CCND3: variants seen among roughly 807,000 people sequenced by gnomAD.
CCND3 encodes the protein cyclin D3.
CCND3 carries 9 observed loss-of-function variants against 28.7 expected under a neutral mutation model. The ratio of observed to expected loss-of-function variants is 0.31; its 90% confidence interval spans 0.19 to 0.55. The LOEUF (loss-of-function observed/expected upper bound fraction) is 0.55. Ranked by LOEUF, CCND3 falls within the 20% of genes least tolerant of loss-of-function variation. The pLI, the probability that CCND3 is intolerant of heterozygous loss-of-function variation, is 0.93. For synonymous variants in CCND3, 164 were observed against 163.9 expected, an observed-to-expected ratio of 1.00 and a Z score of 0.00; for missense variants, 315 against 385.8, an observed-to-expected ratio of 0.82 and a Z score of 1.54.
At position 41,987,501 on chromosome 6, in the gene CCND3, CTCTCTCTCTCTCTCTCTG is replaced by C. The variant is rs878919743; in HGVS notation, c.-45-46934_-45-46917del. Among the ~76,000 whole-genome samples, 217 of 84,690 alleles carry C rather than the reference CTCTCTCTCTCTCTCTCTG, an allele frequency of 2.6e-3. 4 individuals carry two copies. In the South Asian group the frequency reaches 0.051, roughly 20 times the overall value. The allele number at this position is 84,690 out of a possible 152,430, so 55.6% of individuals were successfully genotyped here. On this transcript the variant is annotated intron_variant, in intron 1 of 4. Transcript: ENST00000372988. ...TTTCTCTCTCTCTCTCTCTCTCTCT[CTCTCTCTCTCTCTCTCTG>C]TGTGTGTGTGTGTGTGTGTGTGTGT...
intron 1 of CCND3, among the ~76,000 whole-genome samples, chr6:42,028,235 G>A (rs115537706): frequency 0.013 from 2,001 of 152,248 alleles, 46 homozygotes; most frequent in African/African-American, 0.04. Flanking sequence ...CCTCCCTGGT[G>A]GAGGGTGGCC....
chr6:42,007,754 C>T (rs950863843), intron 1 of CCND3, among the ~76,000 whole-genome samples: 8 of 152,182 alleles, frequency 5.3e-5, no homozygotes, highest in Non-Finnish European at 1.0e-4. Context: ...TGGACAGGAT[C>T]GAGAGCAGCT....
chr6:41,951,568 ACACAC>A lies in CCND3; in HGVS notation c.-45-10988_-45-10984del, dbSNP rs201470066. ...CACACACACACACACACACACACAC[ACACAC>A]ACAAAAAAAAAGATTAAGTGGGAGT... is the stretch of plus-strand genomic sequence containing the variant. On this transcript the variant is annotated intron_variant, in intron 1 of 4. Transcript: ENST00000372988. Among the ~76,000 whole-genome samples the A allele has an allele frequency of 1.3e-3, 139 of 103,176 alleles. 1 individual carries two copies. The highest frequency in any genetic ancestry group is 1.9e-3 in the South Asian group (5 of 2,690). The allele number at this position is 103,176 out of a possible 152,430, so 67.7% of individuals were successfully genotyped here.
chr6:42,025,007 G>A (rs1025503202), intron 1 of CCND3, among the ~76,000 whole-genome samples: 5 of 152,156 alleles, frequency 3.3e-5, no homozygotes, highest in African/African-American at 9.7e-5. Flanking sequence ...GCAGTGAGAC[G>A]AGATCATGCC....
At chr6:41,947,220 CAA>C (rs777778608) in intron 1 of CCND3, among the ~76,000 whole-genome samples, 7 of 122,508 alleles carry the variant, frequency 5.7e-5, no homozygotes, top group Admixed American at 8.4e-5. Context: ...GACTCCGTCT[CAA>C]AAAAAAAAAA....
chr6:42,019,853 T>C (rs982755584), intron 1 of CCND3, among the ~76,000 whole-genome samples: 1 of 152,204 alleles, frequency 6.6e-6, no homozygotes, highest in Non-Finnish European at 1.5e-5. Context: ...TTAATAAAGA[T>C]GTAAGACTAG....
intron 1 of CCND3, among the ~76,000 whole-genome samples, chr6:42,031,955 A>G (rs1375778932): frequency 1.3e-5 from 2 of 151,472 alleles, no homozygotes; most frequent in Admixed American, 6.6e-5. Flanking sequence ...ACACCGGTCT[A>G]ATTTTTTGTA....
chr6:41,955,247 G>A (rs372987087), intron 1 of CCND3, among the ~76,000 whole-genome samples: 1 of 151,532 alleles, frequency 6.6e-6, no homozygotes, highest in African/African-American at 2.4e-5. Flanking sequence ...AACCCAACAA[G>A]AACAATATGT....
intron 1 of CCND3, among the ~76,000 whole-genome samples, chr6:41,971,479 C>T (rs1216643645): frequency 2.6e-5 from 4 of 151,918 alleles, no homozygotes; most frequent in African/African-American, 9.7e-5. Context: ...GATAAGGAAA[C>T]AGAGGCTGAG....
rs1216592021 is a variant in CCND3, at chr6:41,936,094, G to A, written c.725C>T (p.Ala242Val). The A allele has an allele frequency of 6.3e-7, 1 of 1,595,270 alleles. No homozygotes were observed. The highest frequency in any genetic ancestry group is 8.5e-7 in the Non-Finnish European group (1 of 1,169,890). The change falls in exon 5 of 5, where the codon GCC (alanine) becomes GTC (valine). Residue 242 changes from alanine (A) to valine (V), a missense_variant. Physicochemically the swap from Ala to Val is moderately conservative, Grantham distance 64. Coordinates refer to ENST00000372991, the MANE Select transcript of CCND3 (RefSeq NM_001760.5). This position sits in a 1 kb window ranked among gnomAD's most constrained non-coding sequence, Gnocchi z 4.4. ...TGCAGCTTCGATCTGCTCCTGACAG[G>A]CCCGCAGGCAGTCCTGGGAACATGG... ...ITGTEVDCLR[A>V]CQEQIEAALR...
At chr6:41,947,220 CAAA>C (rs777778608) in intron 1 of CCND3, among the ~76,000 whole-genome samples, 1 of 122,556 alleles carries the variant, frequency 8.2e-6, no homozygotes, top group Non-Finnish European at 1.8e-5. Flanking sequence ...GACTCCGTCT[CAAA>C]AAAAAAAAAA....
intron 1 of CCND3, among the ~76,000 whole-genome samples, chr6:41,956,953 C>T (rs2127402225): frequency 6.6e-6 from 1 of 152,304 alleles, no homozygotes; most frequent in East Asian, 1.9e-4. Flanking sequence ...ATGGCATGAA[C>T]CCGGGAGGCG....
chr6:41,971,259 TG>T (rs900271896), intron 1 of CCND3, among the ~76,000 whole-genome samples: 1 of 152,082 alleles, frequency 6.6e-6, no homozygotes, highest in Non-Finnish European at 1.5e-5. Flanking sequence ...ATTCTCACAG[TG>T]GCTCTAGATG....
At chr6:41,971,530 C>G (rs771793633) in intron 1 of CCND3, among the ~76,000 whole-genome samples, 17 of 151,730 alleles carry the variant, frequency 1.1e-4, no homozygotes, top group South Asian at 2.1e-4. Context: ...CCAGGTCTGC[C>G]TGGTGTCAGA....
chr6:41,987,513 CTCTCTG>C (rs1470770399), intron 1 of CCND3, among the ~76,000 whole-genome samples: 32 of 41,918 alleles, frequency 7.6e-4, no homozygotes, highest in African/African-American at 5.6e-3. Context: ...CTCTCTCTCT[CTCTCTG>C]TGTGTGTGTG....
chr6:41,936,051 C>T lies in CCND3; in HGVS notation c.768G>A (p.Arg256=), dbSNP rs1168950421. ...QIEAALRESL[R]EASQTSSSPA... Reference sequence around the variant, plus strand: ...GGCTGGAGCTGGTCTGAGAGGCTTCCCTGAGGCTCTCCCTGAGTGCAGCTT... The same window carrying T: ...GGCTGGAGCTGGTCTGAGAGGCTTCTCTGAGGCTCTCCCTGAGTGCAGCTT... Residue 256 remains arginine (R), a synonymous_variant, in exon 5 of 5, where the codon AGG becomes AGA. Coordinates refer to ENST00000372991, the MANE Select transcript of CCND3 (RefSeq NM_001760.5). The surrounding 1 kb of genome is among the most constrained non-coding windows in gnomAD (Gnocchi z 4.4). 1 of 1,612,720 alleles carries T rather than the reference C, an allele frequency of 6.2e-7. No homozygotes were observed. Among genetic ancestry groups the T allele is most frequent in the African/African-American group, 1.3e-5 (1 of 74,870 alleles).
intron 1 of CCND3, among the ~76,000 whole-genome samples, chr6:41,959,568 C>T (rs1218820276): frequency 6.6e-6 from 1 of 151,558 alleles, no homozygotes; most frequent in Non-Finnish European, 1.5e-5. Context: ...CCTGTAATCC[C>T]AGCTACTCGG....
intron 1 of CCND3, among the ~76,000 whole-genome samples, chr6:42,041,577 G>A (rs1450836970): frequency 3.3e-5 from 5 of 152,196 alleles, no homozygotes; most frequent in African/African-American, 1.2e-4. Flanking sequence ...CAATGGAGCT[G>A]GGAGGAAAGG....
At chr6:42,006,303 T>TA in intron 1 of CCND3, among the ~76,000 whole-genome samples, 1 of 128,480 alleles carries the variant, frequency 7.8e-6, no homozygotes, top group South Asian at 2.4e-4. Context: ...ATTTAGAGGT[T>TA]TAAAAAAAAA....
Sources: allele counts gnomAD v4.1 joint callset (sites outside exome capture counted in the v4.1 genomes callset), GRCh38; gene constraint gnomAD v4.1.1; non-coding constraint Gnocchi (gnomAD v3.1); transcripts MANE v1.5; gene names NCBI Gene and HGNC (gene_info 2026-07-23, HGNC 2026-07-21).